The following GPM6A variants were observed in gnomAD, a reference collection of about 807,000 sequenced individuals.
GPM6A encodes glycoprotein M6A.
A neutral mutation model predicts 32.1 loss-of-function variants in GPM6A; 7 were observed. The ratio of observed to expected loss-of-function variants is 0.22; its 90% CI spans 0.12 to 0.41. The LOEUF is 0.41. Among genes scored for constraint, GPM6A ranks in the 10% least tolerant of loss-of-function variants. The probability of loss-of-function intolerance (pLI) is 1.00; values close to 1 mark genes in which losing one functional copy is unlikely to be tolerated. For synonymous variants in GPM6A, 130 were observed against 123.4 expected (o/e 1.05, Z -0.35); for missense variants, 235 against 347.2 (o/e 0.68, Z 2.57).
At chr4:175,955,200 CT>C (rs2126386287) in intron 1 of GPM6A, among the ~76,000 whole-genome samples, 1 of 152,342 alleles carries the variant, frequency 6.6e-6, no homozygotes, top group African/African-American at 2.4e-5. Flanking sequence ...GCAATTCCAT[CT>C]GTTCCAACAA....
intron 1 of GPM6A, among the ~76,000 whole-genome samples, chr4:175,902,200 T>TCCA (rs200505355): frequency 0.012 from 1,872 of 152,262 alleles, 26 homozygotes; most frequent in Middle Eastern, 0.041. Flanking sequence ...ACAACCTGGA[T>TCCA]GCCTTTCATA....
intron 1 of GPM6A, among the ~76,000 whole-genome samples, chr4:175,931,041 CA>C (rs1217637820): frequency 6.6e-6 from 1 of 152,096 alleles, no homozygotes; most frequent in African/African-American, 2.4e-5. Context: ...AGCAACATAA[CA>C]AGTGATATTA....
At chr4:175,789,309 A>C (rs1733917938) in intron 1 of GPM6A, among the ~76,000 whole-genome samples, 2 of 152,182 alleles carry the variant, frequency 1.3e-5, no homozygotes, top group Non-Finnish European at 2.9e-5. Context: ...TGATTAATCA[A>C]AACATCCATG....
intron 3 of GPM6A, among the ~76,000 whole-genome samples, chr4:175,656,302 C>T (rs1174615317): frequency 6.6e-6 from 1 of 151,976 alleles, no homozygotes; most frequent in Non-Finnish European, 1.5e-5. Context: ...TCCATTATCC[C>T]ATAATCATTT....
At chr4:175,637,245 T>TATATATA (rs1740712481) in intron 6 of GPM6A, among the ~76,000 whole-genome samples, 1 of 39,582 alleles carries the variant, frequency 2.5e-5, no homozygotes, top group Non-Finnish European at 4.4e-5. Flanking sequence ...TATTATATAT[T>TATATATA]ATATATAATA....
intron 1 of GPM6A, among the ~76,000 whole-genome samples, chr4:175,709,676 C>T (rs550275231): frequency 3.8e-4 from 54 of 143,704 alleles, no homozygotes; most frequent in African/African-American, 1.1e-3. Flanking sequence ...TTCAGTGAGC[C>T]GAGATCATGC....
intron 1 of GPM6A, among the ~76,000 whole-genome samples, chr4:175,886,694 A>T (rs1478702358): frequency 6.6e-6 from 1 of 151,290 alleles, no homozygotes; most frequent in East Asian, 1.9e-4. Context: ...AAAAAAAAAG[A>T]GGAAAATGGT....
At chr4:175,953,533 T>C (rs1235088227) in intron 1 of GPM6A, among the ~76,000 whole-genome samples, 1 of 152,194 alleles carries the variant, frequency 6.6e-6, no homozygotes, top group Admixed American at 6.5e-5. Context: ...TATAGTATTA[T>C]TGCTTTGTTT....
intron 2 of GPM6A, among the ~76,000 whole-genome samples, chr4:175,691,898 A>G (rs1283036270): frequency 6.6e-6 from 1 of 152,214 alleles, no homozygotes; most frequent in Non-Finnish European, 1.5e-5. Flanking sequence ...GTGAGATTTG[A>G]AGATGCCACA....
intron 2 of GPM6A, among the ~76,000 whole-genome samples, chr4:175,701,108 T>C (rs1325166345): frequency 6.6e-6 from 1 of 152,210 alleles, no homozygotes; most frequent in African/African-American, 2.4e-5. Context: ...GCACAATATT[T>C]ACATCATTTC....
intron 1 of GPM6A, among the ~76,000 whole-genome samples, chr4:175,901,511 T>A (rs10019280): frequency 0.56 from 85,017 of 151,656 alleles, 24,063 homozygotes; most frequent in Middle Eastern, 0.71. Flanking sequence ...TAAAAAGAAT[T>A]AAACACCAAA....
rs1560987285 is a variant in GPM6A, at chr4:175,904,496, C to T, written c.-22-92247G>A. On this transcript the variant is annotated intron_variant, in intron 1 of 7. Transcript: ENST00000280187. ...TTCATAAACACATATAAAATGCACA[C>T]ATTTAAAGTAAACATTCTATTTTTT... 2.0e-5 allele frequency among the ~76,000 whole-genome samples: 3 copies of T among 152,044 alleles called. No homozygotes were observed. The South Asian group carries it at 6.2e-4, about 31-fold the overall frequency.
intron 1 of GPM6A, among the ~76,000 whole-genome samples, chr4:175,798,453 C>A (rs1389010432): frequency 6.6e-6 from 1 of 152,118 alleles, no homozygotes; most frequent in Non-Finnish European, 1.5e-5. Flanking sequence ...ATAATTGCCT[C>A]ATTTAAAGAG....
chr4:175,670,757 TGAAAG>T (rs1408464371), intron 3 of GPM6A, among the ~76,000 whole-genome samples: 1 of 151,972 alleles, frequency 6.6e-6, no homozygotes, highest in Non-Finnish European at 1.5e-5. Context: ...TGATACCGCA[TGAAAG>T]GAAACACAGA....
intron 1 of GPM6A, among the ~76,000 whole-genome samples, chr4:175,979,282 C>A (rs1740752790): frequency 6.7e-6 from 1 of 149,136 alleles, no homozygotes; most frequent in Admixed American, 6.6e-5. Context: ...AATCACCATA[C>A]TGCCTGAAAG....
chr4:175,840,959 T>C (rs1231924676), intron 1 of GPM6A, among the ~76,000 whole-genome samples: 1 of 152,186 alleles, frequency 6.6e-6, no homozygotes, highest in African/African-American at 2.4e-5. Context: ...CATGTAATTG[T>C]CACAATAACT....
At chr4:175,828,021 T>G (rs1027591657) in intron 1 of GPM6A, among the ~76,000 whole-genome samples, 6 of 152,202 alleles carry the variant, frequency 3.9e-5, no homozygotes, top group African/African-American at 4.8e-5. Context: ...GATGAAGCAA[T>G]GTGCTTTTGT....
At chr4:175,927,471 G>A (rs1738880365) in intron 1 of GPM6A, among the ~76,000 whole-genome samples, 1 of 152,382 alleles carries the variant, frequency 6.6e-6, no homozygotes. Flanking sequence ...CTTGCACAAT[G>A]TTGTGCAGTG....
intron 1 of GPM6A, among the ~76,000 whole-genome samples, chr4:175,749,475 A>G (rs1396361646): frequency 6.6e-6 from 1 of 152,212 alleles, no homozygotes; most frequent in African/African-American, 2.4e-5. Flanking sequence ...TAAGTTAAGC[A>G]TAATAAAATA....
Sources: allele counts gnomAD v4.1 joint callset (sites outside exome capture counted in the v4.1 genomes callset), GRCh38; gene constraint gnomAD v4.1.1; transcripts MANE v1.5; gene names NCBI Gene and HGNC (gene_info 2026-07-23, HGNC 2026-07-21).